The following ERO1A variants were observed in gnomAD, a reference collection of about 807,000 sequenced individuals.
The protein encoded by ERO1A is endoplasmic reticulum oxidoreductase 1 alpha.
A neutral mutation model predicts 76.9 loss-of-function variants in ERO1A; 49 were observed. The observed-to-expected ratio is 0.64, with a 90% confidence interval of 0.51 to 0.81. ERO1A has a LOEUF of 0.81. Among genes scored for constraint, ERO1A ranks in the 30% least tolerant of loss-of-function variants. ERO1A has a pLI of 0.00. For missense variants in ERO1A, 448 were observed against 542.1 expected (o/e 0.83, Z 1.72); for synonymous variants, 174 against 181.2 (o/e 0.96, Z 0.32).
intron 2 of ERO1A, among the ~76,000 whole-genome samples, 164 bp downstream of exon 2, chr14:52,683,624 G>A (rs908756853): frequency 2.0e-5 from 3 of 152,012 alleles, no homozygotes; most frequent in Non-Finnish European, 4.4e-5. Flanking sequence ...ATTATCCAAT[G>A]GATGGTTTCA....
chr14:52,663,180 G>A (rs2040283640), intron 8 of ERO1A, among the ~76,000 whole-genome samples: 1 of 152,006 alleles, frequency 6.6e-6, no homozygotes, highest in Admixed American at 6.6e-5. Flanking sequence ...TTGAGAGTTT[G>A]GGATATTTAT....
intron 1 of ERO1A, among the ~76,000 whole-genome samples, chr14:52,691,624 C>T (rs1310442310): frequency 1.3e-5 from 2 of 152,206 alleles, no homozygotes; most frequent in African/African-American, 4.8e-5. Flanking sequence ...AGACACTTGA[C>T]AGGTTAAATC....
rs781727835 is a variant in ERO1A at position 52,653,130 on chromosome 14, C to A, written c.994G>T (p.Gly332Ter). The change falls in exon 12 of 16, where the codon GGA (glycine) becomes TGA (stop). Residue 332 changes from glycine to a stop codon, truncating the protein, a stop_gained. Transcript: ENST00000395686. LOFTEE classifies it high-confidence loss of function. ...FERPDFQLFT[G>*]NKIQDEENKM... is the part of the protein sequence containing the mutation. ...TTTTCCTCATCCTGAATTTTATTTC[C>A]AGTAAAGAGTTGAAAATCTGGGCGC... 6 of 1,608,024 alleles carry A rather than the reference C, an allele frequency of 3.7e-6. No homozygotes were observed. The highest frequency in any genetic ancestry group is 5.1e-6 in the Non-Finnish European group (6 of 1,174,814).
chr14:52,681,268 A>G (rs960083177), intron 3 of ERO1A, among the ~76,000 whole-genome samples: 2 of 152,248 alleles, frequency 1.3e-5, no homozygotes, highest in African/African-American at 2.4e-5. Context: ...AAAACATAGT[A>G]TAGGCATACA....
At chr14:52,643,747 G>A (rs1445005754) in intron 15 of ERO1A, 117 bp from the exon 16 acceptor site, 2 of 575,908 alleles carry the variant, frequency 3.5e-6, no homozygotes, top group Non-Finnish European at 3.0e-6. Flanking sequence ...AATTTAAGGT[G>A]CATAAACCAT....
chr14:52,647,766 G>C (rs1029965691), intron 13 of ERO1A, among the ~76,000 whole-genome samples: 2 of 152,100 alleles, frequency 1.3e-5, no homozygotes, highest in African/African-American at 4.8e-5. Flanking sequence ...TGGACTAAGA[G>C]GGGAATCTCA....
At chr14:52,654,843 C>T (rs1386213069) in intron 11 of ERO1A, among the ~76,000 whole-genome samples, 1 of 152,110 alleles carries the variant, frequency 6.6e-6, no homozygotes, top group Non-Finnish European at 1.5e-5. Context: ...GTGATGGCTA[C>T]AGTTTTCTCA....
At chr14:52,675,996 T>C (rs2040771742) in intron 4 of ERO1A, among the ~76,000 whole-genome samples, 1 of 152,180 alleles carries the variant, frequency 6.6e-6, no homozygotes, top group Non-Finnish European at 1.5e-5. Context: ...TGCTAAACCT[T>C]TAAAAGCTGA....
intron 9 of ERO1A, among the ~76,000 whole-genome samples, chr14:52,659,998 T>C (rs1297687318): frequency 1.3e-5 from 2 of 151,858 alleles, no homozygotes; most frequent in Non-Finnish European, 2.9e-5. Context: ...CACGCCCAGC[T>C]AATTTTTCTA....
intron 8 of ERO1A, among the ~76,000 whole-genome samples, chr14:52,662,798 A>G: frequency 6.6e-6 from 1 of 152,234 alleles, no homozygotes; most frequent in East Asian, 1.9e-4. Flanking sequence ...TTCACTGATC[A>G]TGTATCTAAC....
intron 11 of ERO1A, among the ~76,000 whole-genome samples, chr14:52,655,043 TTC>T (rs1468946855): frequency 6.6e-6 from 1 of 152,190 alleles, no homozygotes; most frequent in Non-Finnish European, 1.5e-5. Flanking sequence ...AGCATTGTTT[TTC>T]TCTGTTTGTA....
At chr14:52,670,222 A>T (rs1295033327) in intron 6 of ERO1A, among the ~76,000 whole-genome samples, 1 of 152,240 alleles carries the variant, frequency 6.6e-6, no homozygotes, top group Non-Finnish European at 1.5e-5. Context: ...TTTTTGAAAG[A>T]GCGTTAGTCC....
intron 9 of ERO1A, among the ~76,000 whole-genome samples, chr14:52,659,719 A>G (rs558041781): frequency 6.6e-6 from 1 of 151,644 alleles, no homozygotes; most frequent in South Asian, 2.1e-4. Context: ...CTTTTTTTCA[A>G]GTTTTTGATC....
At chr14:52,644,289 A>G (rs757485475) in intron 15 of ERO1A, among the ~76,000 whole-genome samples, 3 of 152,010 alleles carry the variant, frequency 2.0e-5, no homozygotes, top group Admixed American at 6.6e-5. Flanking sequence ...CCTTCTCTCT[A>G]TGAAAAACAA....
chr14:52,673,418 C>T (rs918918911), intron 4 of ERO1A, among the ~76,000 whole-genome samples: 2 of 152,156 alleles, frequency 1.3e-5, no homozygotes, highest in Admixed American at 1.3e-4. Flanking sequence ...TTTGCTAAAC[C>T]TTAACAGCTA....
chr14:52,674,080 CAAAT>C (rs955013767), intron 4 of ERO1A, among the ~76,000 whole-genome samples: 4 of 152,186 alleles, frequency 2.6e-5, no homozygotes, highest in Non-Finnish European at 4.4e-5. Flanking sequence ...CTACCACAAA[CAAAT>C]ATTTTATCTT....
intron 4 of ERO1A, chr14:52,672,273 T>G (rs542181077): frequency 6.5e-6 from 1 of 154,638 alleles, no homozygotes; most frequent in Admixed American, 6.5e-5. Flanking sequence ...GCCACTGCGC[T>G]CCAGCCTGGG....
Position 52,683,960 on chromosome 14 carries a change from T to C in ERO1A, c.115-53A>G, listed in dbSNP as rs553443367. The C allele has an allele frequency of 2.1e-5, 30 of 1,432,036 alleles. No individual in the cohort carries two copies. The African/African-American group carries it at 3.0e-4, about 14-fold the overall frequency. The allele number at this position is 1,432,036 out of a possible 1,614,324, so 88.7% of individuals were successfully genotyped here. ...TTGAAATGTCCTAAATGCAACAGGGTTCTTTTTCCTCACATGGTTGTTAGG... is the reference window on the plus strand; with the variant it reads ...TTGAAATGTCCTAAATGCAACAGGGCTCTTTTTCCTCACATGGTTGTTAGG... On this transcript the variant is annotated intron_variant, in intron 1 of 15. Transcript: ENST00000395686.
At chr14:52,686,978 G>A (rs1294307810) in intron 1 of ERO1A, among the ~76,000 whole-genome samples, 4 of 152,168 alleles carry the variant, frequency 2.6e-5, no homozygotes, top group African/African-American at 9.7e-5. Flanking sequence ...AGGGTGGCAG[G>A]AGTTTCAATG....
Sources: allele counts gnomAD v4.1 joint callset (sites outside exome capture counted in the v4.1 genomes callset), GRCh38; gene constraint gnomAD v4.1.1; transcripts MANE v1.5; gene names NCBI Gene and HGNC (gene_info 2026-07-23, HGNC 2026-07-21).